GGA2: variants seen among roughly 807,000 people sequenced by gnomAD.
GGA2 encodes golgi associated, gamma adaptin ear containing, ARF binding protein 2, also known as ADP-ribosylation factor-binding protein GGA2.
A neutral mutation model predicts 79.5 loss-of-function variants in GGA2; 48 were observed. The observed-to-expected ratio is 0.60, with a 90% CI of 0.48 to 0.77. GGA2 has a LOEUF of 0.77. Ranked by LOEUF, GGA2 falls within the 30% of genes least tolerant of loss-of-function variation. GGA2 has a pLI of 0.00. For missense variants in GGA2, 770 were observed against 774.0 expected, an observed-to-expected ratio of 0.99 and a Z score of 0.06; for synonymous variants, 317 against 302.0, an observed-to-expected ratio of 1.05 and a Z score of -0.51.
At chr16:23,491,306 C>CAAA (rs35347154) in intron 5 of GGA2, among the ~76,000 whole-genome samples, 68 of 65,994 alleles carry the variant, frequency 1.0e-3, no homozygotes, top group Non-Finnish European at 1.3e-3. Flanking sequence ...CACCTTGTCT[C>CAAA]AAAAAAAAAA....
chr16:23,478,531 C>G (rs1422940351), intron 12 of GGA2, 30 bp from the exon 13 acceptor site: 1 of 1,599,450 alleles, frequency 6.3e-7, no homozygotes, highest in Admixed American at 1.7e-5. Context: ...TAAAATAAGA[C>G]CAGGGTATGA....
chr16:23,464,268 A>G lies in GGA2; in HGVS notation c.*3322T>C, dbSNP rs1223719984. 4 of 152,194 alleles carry G rather than the reference A, an allele frequency of 2.6e-5. No individual in the cohort carries two copies. The highest frequency in any genetic ancestry group is 9.7e-5 in the African/African-American group (4 of 41,448). 9.4% of individuals were successfully genotyped at this position (152,194 alleles called of 1,614,324 possible). A position where few individuals can be genotyped will look rare whatever the true frequency, so the allele number is the denominator to read the frequency against. On this transcript the variant is annotated 3_prime_UTR_variant, in exon 17 of 17. Coordinates refer to ENST00000309859, the MANE Select transcript of GGA2 (RefSeq NM_015044.4). ...TTGCCCAGTCTTAAGTTCATGGAAG[A>G]TAATAGGAAGAGTAATTAACTGCAG...
chr16:23,504,964 A>T (rs994992571), intron 1 of GGA2, among the ~76,000 whole-genome samples: 20 of 152,190 alleles, frequency 1.3e-4, no homozygotes, highest in African/African-American at 4.8e-4. Flanking sequence ...AAGCCAAACC[A>T]TCCCACGTCA....
rs893968325 is a variant in GGA2, at chr16:23,466,702, C to T, written c.*888G>A. The T allele has an allele frequency of 1.3e-5, 2 of 152,640 alleles. No homozygotes were observed. Among genetic ancestry groups the T allele is most frequent in the African/African-American group, 4.8e-5 (2 of 41,448 alleles). 9.5% of individuals were successfully genotyped at this position (152,640 alleles called of 1,614,324 possible). On this transcript the variant is annotated 3_prime_UTR_variant, in exon 17 of 17. Coordinates refer to ENST00000309859, the MANE Select transcript of GGA2 (RefSeq NM_015044.4). ...CACAGTTTCCCATCTTAGACTGTGA[C>T]GTCAGCTGGCAAGGGCTGGCTGTTG...
intron 1 of GGA2, among the ~76,000 whole-genome samples, chr16:23,499,517 A>G (rs558921461): frequency 1.3e-5 from 2 of 152,310 alleles, no homozygotes; most frequent in African/African-American, 4.8e-5. Context: ...ACCAAGGCCA[A>G]GCAGCAATAC....
intron 5 of GGA2, among the ~76,000 whole-genome samples, chr16:23,490,674 G>A (rs1478671680): frequency 2.0e-5 from 3 of 151,652 alleles, no homozygotes; most frequent in Non-Finnish European, 4.4e-5. Flanking sequence ...GGCGGAGGTT[G>A]CAGTGAACAG....
At chr16:23,510,558 C>A (rs958285922), upstream of GGA2, 10 of 389,738 alleles carry the variant, frequency 2.6e-5, no homozygotes, top group African/African-American at 1.7e-4. Context: ...CCCAGGCCCC[C>A]CCTCCACGCG....
chr16:23,490,649 T>C (rs1482764151), intron 5 of GGA2, among the ~76,000 whole-genome samples: 1 of 150,880 alleles, frequency 6.6e-6, no homozygotes. Context: ...GCACAAGAAT[T>C]ACTTGAACCC....
intron 4 of GGA2, among the ~76,000 whole-genome samples, chr16:23,493,039 G>A (rs1964809151): frequency 6.6e-6 from 1 of 152,200 alleles, no homozygotes; most frequent in South Asian, 2.1e-4. Flanking sequence ...GGAGGTGATA[G>A]GAAACTTTCA....
At chr16:23,499,231 G>A (rs1220436672) in intron 1 of GGA2, among the ~76,000 whole-genome samples, 2 of 147,280 alleles carry the variant, frequency 1.4e-5, no homozygotes, top group African/African-American at 5.0e-5. Context: ...TGCAACCTCC[G>A]CCTCCCGGGT....
intron 13 of GGA2, 128 bp from the exon 14 acceptor site, chr16:23,475,189 CT>C (rs370261106): frequency 0.16 from 49,364 of 318,242 alleles, 325 homozygotes; most frequent in South Asian, 0.22. Context: ...TGTTATATGC[CT>C]TTTTTTTTTT....
At chr16:23,506,943 T>C (rs928681334) in intron 1 of GGA2, among the ~76,000 whole-genome samples, 2 of 152,152 alleles carry the variant, frequency 1.3e-5, no homozygotes, top group Non-Finnish European at 2.9e-5. Flanking sequence ...CAGGCCCCTC[T>C]GCAATGGATG....
At chr16:23,511,711 A>C (rs549385470), upstream of GGA2, among the ~76,000 whole-genome samples, 226 of 152,206 alleles carry the variant, frequency 1.5e-3, no homozygotes, top group Middle Eastern at 0.017. Flanking sequence ...TTAAAAGATA[A>C]TTTTCCCAAA....
At chr16:23,512,850 G>A (rs754646083), upstream of GGA2, among the ~76,000 whole-genome samples, 13 of 151,312 alleles carry the variant, frequency 8.6e-5, no homozygotes, top group Non-Finnish European at 5.9e-5. Flanking sequence ...GAATACAGGC[G>A]CCCACCACCA....
chr16:23,510,434 C>T lies in GGA2; in HGVS notation c.-23G>A. 2.1e-6 allele frequency: 2 copies of T among 967,836 alleles called. No homozygotes were observed. The highest frequency in any genetic ancestry group is 1.7e-5 in the African/African-American group (1 of 58,836). 60.0% of individuals were successfully genotyped at this position (967,836 alleles called of 1,614,324 possible). ...CATCGCTCCAGCCCCGACGCTGCGG[C>T]CGCGGGCGCCACTGCCTCTTCAGCC... On this transcript the variant is annotated 5_prime_UTR_variant, in exon 1 of 17. Transcript: ENST00000309859.
chr16:23,482,525 C>G (rs552595263), intron 9 of GGA2, among the ~76,000 whole-genome samples: 1 of 152,232 alleles, frequency 6.6e-6, no homozygotes, highest in East Asian at 1.9e-4. Flanking sequence ...CTTCCATTTC[C>G]CATCGGCCTG....
upstream of GGA2, chr16:23,510,559 C>CT (rs538639115): frequency 1.1e-4 from 42 of 389,262 alleles, no homozygotes; most frequent in Non-Finnish European, 1.5e-4. Context: ...CCAGGCCCCC[C>CT]CTCCACGCGG....
intron 3 of GGA2, chr16:23,493,796 G>C (rs1002324159): frequency 1.5e-5 from 5 of 330,270 alleles, no homozygotes; most frequent in African/African-American, 8.5e-5. Flanking sequence ...CTGGTATCCA[G>C]TGCCCAAGAC....
chr16:23,479,311 A>G (rs1052696429), intron 11 of GGA2, among the ~76,000 whole-genome samples: 2 of 147,560 alleles, frequency 1.4e-5, no homozygotes, highest in African/African-American at 2.5e-5. Context: ...AACCCTGCTG[A>G]TTCTCTCAGC....
Sources: gnomAD v4.1 joint callset for allele counts (sites outside exome capture counted in the v4.1 genomes callset) on GRCh38, gnomAD v4.1.1 for gene constraint, MANE v1.5 for transcripts, NCBI Gene and HGNC (gene_info 2026-07-23, HGNC 2026-07-21) for gene names.